The following XKR9 variants were observed in gnomAD, a reference collection of about 807,000 sequenced individuals.
The protein encoded by XKR9 is XK-related protein 9.
In XKR9, 32 loss-of-function variants were observed where a neutral mutation model predicts 32.0. The observed-to-expected ratio is 1.00, with a 90% CI of 0.76 to 1.34. The LOEUF is 1.34. Ranked by LOEUF, XKR9 falls within the 40% of genes most tolerant of loss-of-function variation. XKR9 has a pLI of 0.00. For missense variants in XKR9, 546 were observed against 429.7 expected (o/e 1.27, Z -2.39); for synonymous variants, 168 against 143.4 (o/e 1.17, Z -1.22).
chr8:70,814,900 T>C, the XKR9 span, among the ~76,000 whole-genome samples: 4 of 152,230 alleles, frequency 2.6e-5, no homozygotes, highest in Non-Finnish European at 5.9e-5. Flanking sequence ...GTAAAGTTTC[T>C]GTATATAAAA....
the XKR9 span, among the ~76,000 whole-genome samples, chr8:70,859,210 C>CA: frequency 1.3e-5 from 2 of 151,786 alleles, no homozygotes; most frequent in South Asian, 2.1e-4. Flanking sequence ...AGATATTTCT[C>CA]AAAAAAAGAC....
At chr8:70,987,533 G>T in the XKR9 span, among the ~76,000 whole-genome samples, 2 of 152,246 alleles carry the variant, frequency 1.3e-5, no homozygotes, top group African/African-American at 2.4e-5. Flanking sequence ...TCATGCTGAT[G>T]CAAGAGGTGG....
the XKR9 span, among the ~76,000 whole-genome samples, chr8:70,812,074 A>C: frequency 3.9e-5 from 6 of 152,174 alleles, no homozygotes; most frequent in Non-Finnish European, 7.3e-5. Context: ...CCAGCAGCAC[A>C]TCAAAAAGCT....
chr8:70,906,461 A>G, the XKR9 span, among the ~76,000 whole-genome samples: 2 of 152,226 alleles, frequency 1.3e-5, no homozygotes, highest in African/African-American at 2.4e-5. Flanking sequence ...GTAACACATT[A>G]GCTTCTGTCC....
At chr8:70,757,625 C>T (rs993737035) in intron 2 of XKR9, among the ~76,000 whole-genome samples, 6 of 152,064 alleles carry the variant, frequency 3.9e-5, no homozygotes, top group African/African-American at 1.4e-4. Context: ...CTTGCTCTGT[C>T]GCCCAGGCTG....
the XKR9 span, among the ~76,000 whole-genome samples, chr8:70,875,457 C>T: frequency 0.32 from 48,304 of 152,038 alleles, 9,001 homozygotes; most frequent in Non-Finnish European, 0.43. Context: ...ACTTCTAATA[C>T]TGGTGCCTCC....
intron 3 of XKR9, among the ~76,000 whole-genome samples, chr8:70,684,814 A>G (rs1709741646): frequency 6.8e-6 from 1 of 147,868 alleles, no homozygotes; most frequent in Admixed American, 6.8e-5. Context: ...CACACCAGTT[A>G]GAATGGCAAT....
the XKR9 span, among the ~76,000 whole-genome samples, chr8:70,969,366 T>C: frequency 0.1 from 15,403 of 152,190 alleles, 856 homozygotes; most frequent in Middle Eastern, 0.14. Flanking sequence ...TTACTAAACG[T>C]GGATCAAAAT....
chr8:70,821,693 C>A, the XKR9 span, among the ~76,000 whole-genome samples: 1 of 152,226 alleles, frequency 6.6e-6, no homozygotes, highest in Non-Finnish European at 1.5e-5. Context: ...AGGCTTGGGG[C>A]TTGCACCCTC....
At chr8:71,053,896 T>A in the XKR9 span, among the ~76,000 whole-genome samples, 1 of 152,212 alleles carries the variant, frequency 6.6e-6, no homozygotes, top group African/African-American at 2.4e-5. Context: ...GTTTGCTTCC[T>A]CTTGAAACCC....
chr8:70,756,551 A>G (rs923874754), intron 2 of XKR9, among the ~76,000 whole-genome samples: 4 of 152,174 alleles, frequency 2.6e-5, no homozygotes, highest in African/African-American at 7.2e-5. Flanking sequence ...CAATGTTTTT[A>G]TAGATTTCAG....
the XKR9 span, among the ~76,000 whole-genome samples, chr8:70,913,265 T>A: frequency 6.6e-6 from 1 of 152,178 alleles, no homozygotes; most frequent in Non-Finnish European, 1.5e-5. Context: ...ATGCAATAGC[T>A]TTTTAAATGT....
chr8:70,957,408 T>C, the XKR9 span, among the ~76,000 whole-genome samples: 1 of 152,206 alleles, frequency 6.6e-6, no homozygotes. Context: ...TAGGGGTACA[T>C]GTGCAGGATG....
At chr8:70,889,864 A>G in the XKR9 span, among the ~76,000 whole-genome samples, 2 of 152,030 alleles carry the variant, frequency 1.3e-5, no homozygotes, top group Non-Finnish European at 1.5e-5. Flanking sequence ...TATTGTGAAT[A>G]GTGCTGCAAT....
intron 2 of XKR9, among the ~76,000 whole-genome samples, chr8:70,770,574 G>A (rs1807440376): frequency 2.6e-5 from 4 of 151,902 alleles, no homozygotes; most frequent in Non-Finnish European, 5.9e-5. Flanking sequence ...GTAAGCCCCT[G>A]ACTGGGGCTG....
the XKR9 span, among the ~76,000 whole-genome samples, chr8:70,859,524 A>G: frequency 6.6e-6 from 1 of 152,156 alleles, no homozygotes; most frequent in Non-Finnish European, 1.5e-5. Context: ...AGATCATTAT[A>G]TTGAAAAGAT....
the XKR9 span, among the ~76,000 whole-genome samples, chr8:70,899,930 A>C: frequency 6.6e-6 from 1 of 152,162 alleles, no homozygotes; most frequent in Admixed American, 6.5e-5. Flanking sequence ...TGTAGAGTGC[A>C]TTTCTAGCTA....
intron 2 of XKR9, among the ~76,000 whole-genome samples, chr8:70,781,371 G>T (rs1356526279): frequency 6.6e-6 from 1 of 151,896 alleles, no homozygotes; most frequent in Non-Finnish European, 1.5e-5. Flanking sequence ...TTTGTGGGTT[G>T]TCTTTTTACT....
the XKR9 span, among the ~76,000 whole-genome samples, chr8:70,872,938 G>A: frequency 6.6e-6 from 1 of 152,156 alleles, no homozygotes; most frequent in South Asian, 2.1e-4. Context: ...AGGATTACAG[G>A]TATGAGCCAC....
Sources: gnomAD v4.1 joint callset for allele counts (sites outside exome capture counted in the v4.1 genomes callset) on GRCh38, gnomAD v4.1.1 for gene constraint, MANE v1.5 for transcripts, NCBI Gene and HGNC (gene_info 2026-07-23, HGNC 2026-07-21) for gene names.